BRIP1: variants seen among roughly 807,000 people sequenced by gnomAD.
BRIP1 encodes the protein BRCA1 interacting DNA helicase 1.
Under a neutral mutation model 119.7 loss-of-function variants are expected in BRIP1, and 88 were observed. The observed-to-expected ratio is 0.74, with a 90% CI of 0.62 to 0.88. The LOEUF is 0.88. BRIP1 is among the 40% of genes least tolerant of loss of function. The pLI is 0.00. For missense variants in BRIP1, 1,259 were observed against 1,455.4 expected, an observed-to-expected ratio of 0.87 and a Z score of 2.20; for synonymous variants, 443 against 496.5, an observed-to-expected ratio of 0.89 and a Z score of 1.43.
At position 61,802,950 on chromosome 17, in the gene BRIP1, T is replaced by TA. The variant is rs563585122; in HGVS notation, c.919-1477dup. Among the ~76,000 whole-genome samples the TA allele has an allele frequency of 2.9e-3, 443 of 152,314 alleles. 2 individuals carry two copies. Among genetic ancestry groups the TA allele is most frequent in the Non-Finnish European group, 4.5e-3 (307 of 68,018 alleles). ...TCTTTTGTTATCTCTATCTTAAAAG[T>TA]AAAAAATAGAATCTTGTTTTGATTT... On this transcript the variant is annotated intron_variant, in intron 7 of 19. Transcript: ENST00000259008. The surrounding 1 kb of genome is among the most constrained non-coding windows in gnomAD (Gnocchi z 6.0).
At position 61,768,944 on chromosome 17, in the gene BRIP1, G is replaced by GAA. The variant is rs914213482; in HGVS notation, c.2097+7455_2097+7456dup. Among the ~76,000 whole-genome samples the GAA allele has an allele frequency of 6.7e-6, 1 of 148,360 alleles. No individual in the cohort carries two copies. Among genetic ancestry groups the GAA allele is most frequent in the Non-Finnish European group, 1.5e-5 (1 of 66,816 alleles). ...GACACCTTTGTTGGCTTTGAAGAAG[G>GAA]AAAAAAAAAAGTAGTAGTAGTAATA... On this transcript the variant is annotated intron_variant, in intron 14 of 19. Coordinates refer to ENST00000259008, the MANE Select transcript of BRIP1 (RefSeq NM_032043.3). This position sits in a 1 kb window ranked among gnomAD's most constrained non-coding sequence, Gnocchi z 5.0.
rs1270173226 is a variant in BRIP1 at position 61,709,424 on chromosome 17, G to A, written c.2492+6527C>T. 6.6e-6 allele frequency among the ~76,000 whole-genome samples: 1 copy of A among 151,966 alleles called. No individual in the cohort carries two copies. The highest frequency in any genetic ancestry group is 1.5e-5 in the Non-Finnish European group (1 of 68,002). On this transcript the variant is annotated intron_variant, in intron 17 of 19. Coordinates refer to ENST00000259008, the MANE Select transcript of BRIP1 (RefSeq NM_032043.3). The surrounding 1 kb of genome is among the most constrained non-coding windows in gnomAD (Gnocchi z 5.0). ...AGACAAAAAAAATCTAAATTTTATA[G>A]GGCATTATTTTTTGATATTATTTTA... is the stretch of plus-strand genomic sequence containing the variant.
rs145786636 is a variant in BRIP1 at position 61,762,978 on chromosome 17, G to A, written c.2097+13423C>T. 9.4e-4 allele frequency among the ~76,000 whole-genome samples: 143 copies of A among 152,240 alleles called. No individual in the cohort carries two copies. Among genetic ancestry groups the A allele is most frequent in the Non-Finnish European group, 1.6e-4 (11 of 68,014 alleles). On this transcript the variant is annotated intron_variant, in intron 14 of 19. Transcript: ENST00000259008. This position sits in a 1 kb window ranked among gnomAD's most constrained non-coding sequence, Gnocchi z 4.3. ...CTGGAATTGGAGAACATTATGCTAAGTGAAATAAGCCAGGCACAGAAAGAT... is the reference window on the plus strand; with the variant it reads ...CTGGAATTGGAGAACATTATGCTAAATGAAATAAGCCAGGCACAGAAAGAT...
chr17:61,696,385 T>C (rs1465134653), intron 17 of BRIP1, among the ~76,000 whole-genome samples: 4 of 152,190 alleles, frequency 2.6e-5, no homozygotes, highest in African/African-American at 9.6e-5. Context: ...TTTATTTCTA[T>C]AGTCATATGA....
At chr17:61,688,653 T>C (rs1169156940) in intron 18 of BRIP1, among the ~76,000 whole-genome samples, 1 of 151,912 alleles carries the variant, frequency 6.6e-6, no homozygotes, top group Non-Finnish European at 1.5e-5. Flanking sequence ...GTGGCTGTTT[T>C]TTCAAATGTG....
chr17:61,821,050 T>G (rs2078315194), intron 6 of BRIP1, among the ~76,000 whole-genome samples: 2 of 152,178 alleles, frequency 1.3e-5, no homozygotes, highest in Non-Finnish European at 1.5e-5. Context: ...TTTCTGGAGT[T>G]TAAATACTCT....
chr17:61,849,256 T>C lies in BRIP1; in HGVS notation c.380A>G (p.Asp127Gly), dbSNP rs1170174893. ...ERNGTSSTCQDSPEKTTLAAK... is the reference protein window; with the variant it reads ...ERNGTSSTCQGSPEKTTLAAK... ...AGCCAGAGTGGTTTTTTCAGGGGAG[T>C]CTTATATAAGTAATTTAAAAAAAAC... Residue 127 changes from aspartate (D) to glycine (G), a missense_variant and splice_region_variant, in exon 5 of 20, where the codon GAC (aspartate) becomes GGC (glycine). Transcript: ENST00000259008. 5.0e-6 allele frequency: 8 copies of C among 1,611,100 alleles called. No individual in the cohort carries two copies. The Admixed American group carries it at 1.3e-4, about 27-fold the overall frequency.
chr17:61,795,874 A>G lies in BRIP1; in HGVS notation c.1341-2145T>C, dbSNP rs2077891472. Among the ~76,000 whole-genome samples the G allele has an allele frequency of 6.6e-6, 1 of 152,068 alleles. No homozygotes were observed. The highest frequency in any genetic ancestry group is 2.4e-5 in the African/African-American group (1 of 41,432). On this transcript the variant is annotated intron_variant, in intron 9 of 19. Transcript: ENST00000259008. The surrounding 1 kb of genome is among the most constrained non-coding windows in gnomAD (Gnocchi z 5.6). ...TGTCCTAATTTACATTCCCACCAACAGTATACGAGGGTTGTCTTTTCTCCA... is the reference window on the plus strand; with the variant it reads ...TGTCCTAATTTACATTCCCACCAACGGTATACGAGGGTTGTCTTTTCTCCA...
At chr17:61,737,450 G>A (rs1463327678) in intron 16 of BRIP1, among the ~76,000 whole-genome samples, 1 of 152,202 alleles carries the variant, frequency 6.6e-6, no homozygotes, top group African/African-American at 2.4e-5. Flanking sequence ...GAAAACATTA[G>A]GGGCAAATAT....
Position 61,815,956 on chromosome 17 carries a change from A to G in BRIP1, c.628-7199T>C, listed in dbSNP as rs1026599875. On this transcript the variant is annotated intron_variant, in intron 6 of 19. Coordinates refer to ENST00000259008, the MANE Select transcript of BRIP1 (RefSeq NM_032043.3). This position sits in a 1 kb window ranked among gnomAD's most constrained non-coding sequence, Gnocchi z 4.1. Reference sequence around the variant, plus strand: ...TGTGCAAAATCTCACATTAGCACACACTCTAGTAAGATAGCAAAAGTAACA... The same window carrying G: ...TGTGCAAAATCTCACATTAGCACACGCTCTAGTAAGATAGCAAAAGTAACA... Among the ~76,000 whole-genome samples, 1 of 152,164 alleles carries G rather than the reference A, an allele frequency of 6.6e-6. No homozygotes were observed. Among genetic ancestry groups the G allele is most frequent in the African/African-American group, 2.4e-5 (1 of 41,434 alleles).
intron 14 of BRIP1, among the ~76,000 whole-genome samples, chr17:61,772,570 G>A (rs1248903802): frequency 2.0e-5 from 3 of 152,120 alleles, no homozygotes; most frequent in Admixed American, 6.5e-5. Flanking sequence ...TGTAATCCCA[G>A]CACTTTGGGA....
At chr17:61,698,212 A>G (rs139460502) in intron 17 of BRIP1, among the ~76,000 whole-genome samples, 127 of 151,840 alleles carry the variant, frequency 8.4e-4, no homozygotes, top group African/African-American at 3.0e-3. Context: ...GTATTTTTCA[A>G]TTTTTCTTCT....
chr17:61,858,014 T>C (rs2078921348), intron 3 of BRIP1, among the ~76,000 whole-genome samples: 1 of 152,154 alleles, frequency 6.6e-6, no homozygotes, highest in Non-Finnish European at 1.5e-5. Context: ...AATAGAAACA[T>C]GTTTTTTGAT....
rs2077043862 is a variant in BRIP1 at position 61,745,235 on chromosome 17, A to G, written c.2098-644T>C. 6.6e-6 allele frequency among the ~76,000 whole-genome samples: 1 copy of G among 152,230 alleles called. No individual in the cohort carries two copies. On this transcript the variant is annotated intron_variant, in intron 14 of 19. Coordinates refer to ENST00000259008, the MANE Select transcript of BRIP1 (RefSeq NM_032043.3). This position sits in a 1 kb window ranked among gnomAD's most constrained non-coding sequence, Gnocchi z 4.4. ...ATTTACAGCCATGGGCTAGATTACA[A>G]AAGGACATTCAACAAATTTTAAGCA... is the stretch of plus-strand genomic sequence containing the variant.
rs1252946490 is a variant in BRIP1, at chr17:61,752,834, T to G, written c.2098-8243A>C. On this transcript the variant is annotated intron_variant, in intron 14 of 19. Coordinates refer to ENST00000259008, the MANE Select transcript of BRIP1 (RefSeq NM_032043.3). The surrounding 1 kb of genome is among the most constrained non-coding windows in gnomAD (Gnocchi z 6.2). ...TAAAATTAAAATGAGTAAGATATGG[T>G]GTTGGATGGGACATGACAGGGAAGG... Among the ~76,000 whole-genome samples the G allele has an allele frequency of 1.3e-5, 2 of 152,156 alleles. No individual in the cohort carries two copies. The highest frequency in any genetic ancestry group is 2.9e-5 in the Non-Finnish European group (2 of 68,034).
rs145289684 is a variant in BRIP1, at chr17:61,714,521, A to T, written c.2492+1430T>A. 4.8e-3 allele frequency among the ~76,000 whole-genome samples: 734 copies of T among 152,292 alleles called. 8 individuals carry two copies. Among genetic ancestry groups the T allele is most frequent in the African/African-American group, 0.017 (701 of 41,556 alleles). On this transcript the variant is annotated intron_variant, in intron 17 of 19. Coordinates refer to ENST00000259008, the MANE Select transcript of BRIP1 (RefSeq NM_032043.3). ...AACAATAGGCTATATCATATAGCCT[A>T]TATGTGTAGTAGACTATACTATCTA...
intron 14 of BRIP1, among the ~76,000 whole-genome samples, chr17:61,747,568 G>A (rs1158282174): frequency 1.3e-5 from 2 of 151,976 alleles, no homozygotes; most frequent in Non-Finnish European, 2.9e-5. Context: ...TACTAAGACT[G>A]AATAATGAAG....
At chr17:61,840,137 T>A (rs2078635765) in intron 6 of BRIP1, among the ~76,000 whole-genome samples, 1 of 152,168 alleles carries the variant, frequency 6.6e-6, no homozygotes, top group South Asian at 2.1e-4. Flanking sequence ...GGCAAACAGA[T>A]CACCCGAGGT....
Position 61,743,270 on chromosome 17 carries a change from T to C in BRIP1, c.2258-136A>G. The C allele has an allele frequency of 1.7e-6, 2 of 1,179,850 alleles. No individual in the cohort carries two copies. The highest frequency in any genetic ancestry group is 2.4e-6 in the Non-Finnish European group (2 of 830,024). 73.1% of individuals were successfully genotyped at this position (1,179,850 alleles called of 1,614,324 possible). A position where few individuals can be genotyped will look rare whatever the true frequency, so the allele number is the denominator to read the frequency against. ...ATCAAAATAAAACACTATTATGAGATAAAGTTTTAAAAGTTCAATGTCTTT... is the reference window on the plus strand; with the variant it reads ...ATCAAAATAAAACACTATTATGAGACAAAGTTTTAAAAGTTCAATGTCTTT... On this transcript the variant is annotated intron_variant, in intron 15 of 19. Transcript: ENST00000259008. This position sits in a 1 kb window ranked among gnomAD's most constrained non-coding sequence, Gnocchi z 4.3.
Sources: gnomAD v4.1 joint callset for allele counts (sites outside exome capture counted in the v4.1 genomes callset) on GRCh38, gnomAD v4.1.1 for gene constraint, Gnocchi (gnomAD v3.1) non-coding constraint, MANE v1.5 for transcripts, NCBI Gene and HGNC (gene_info 2026-07-23, HGNC 2026-07-21) for gene names.